Variants in SPMAP2 observed in about 807,000 individuals in gnomAD.
SPMAP2 encodes Theg homolog.
At chr19:371,220 G>C in the SPMAP2 span, 1 of 1,463,768 alleles carries the variant, frequency 6.8e-7, no homozygotes. Flanking sequence ...ACATGGGCAT[G>C]CTCCAGAAGT....
chr19:364,062 G>A, the SPMAP2 span, among the ~76,000 whole-genome samples: 20 of 151,938 alleles, frequency 1.3e-4, no homozygotes, highest in Admixed American at 5.2e-4. Flanking sequence ...GGTTGGGCGC[G>A]GTGGCTCATG....
the SPMAP2 span, chr19:375,746 C>T: frequency 6.4e-5 from 103 of 1,609,984 alleles, no homozygotes; most frequent in African/African-American, 1.7e-4. Flanking sequence ...CCAGGGTCTC[C>T]GGGAACTCCT....
chr19:365,661 CCCA>C, the SPMAP2 span, among the ~76,000 whole-genome samples: 1 of 131,656 alleles, frequency 7.6e-6, no homozygotes, highest in African/African-American at 3.4e-5. Context: ...CGCTCTTACC[CCCA>C]CCACACAGCA....
the SPMAP2 span, chr19:374,440 T>C: frequency 6.2e-7 from 1 of 1,613,948 alleles, no homozygotes; most frequent in Non-Finnish European, 8.5e-7. Flanking sequence ...GAATTCCACG[T>C]TGAAGTTGGA....
chr19:370,048 A>G, the SPMAP2 span, among the ~76,000 whole-genome samples: 1 of 152,074 alleles, frequency 6.6e-6, no homozygotes, highest in South Asian at 2.1e-4. Context: ...GATGGCCAGG[A>G]TACGGCGCAC....
the SPMAP2 span, among the ~76,000 whole-genome samples, chr19:370,934 C>T: frequency 2.0e-5 from 3 of 152,142 alleles, no homozygotes; most frequent in African/African-American, 4.8e-5. Context: ...GAGAGATGAG[C>T]GCTTTCTGAA....
the SPMAP2 span, among the ~76,000 whole-genome samples, chr19:373,773 C>T: frequency 3.3e-5 from 5 of 152,154 alleles, no homozygotes; most frequent in East Asian, 9.7e-4. Flanking sequence ...CCCAGGGCCA[C>T]CTCCTGGGAG....
At chr19:371,186 G>A in the SPMAP2 span, 9 of 1,392,986 alleles carry the variant, frequency 6.5e-6, no homozygotes, top group Admixed American at 2.1e-4. Flanking sequence ...GTGAGTCGCG[G>A]GGGGCACGGG....
chr19:366,397 G>T, the SPMAP2 span, among the ~76,000 whole-genome samples: 1 of 152,170 alleles, frequency 6.6e-6, no homozygotes, highest in Non-Finnish European at 1.5e-5. Context: ...CTCGCCGTGT[G>T]TGTGTGGCGA....
chr19:364,274 T>C, the SPMAP2 span, among the ~76,000 whole-genome samples: 10 of 146,232 alleles, frequency 6.8e-5, no homozygotes, highest in African/African-American at 2.0e-4. Context: ...GAGGCGGAGC[T>C]TGCAGTGAGC....
chr19:370,117 G>T, the SPMAP2 span, among the ~76,000 whole-genome samples: 71 of 152,194 alleles, frequency 4.7e-4, no homozygotes, highest in African/African-American at 1.7e-3. Flanking sequence ...GGGAGCGCCT[G>T]AGCGCAATCC....
the SPMAP2 span, among the ~76,000 whole-genome samples, chr19:371,719 G>A: frequency 6.6e-6 from 1 of 152,196 alleles, no homozygotes. Context: ...GGACCCAAGG[G>A]ATGAAAGTGT....
chr19:362,190 A>G, the SPMAP2 span: 1 of 1,478,112 alleles, frequency 6.8e-7, no homozygotes, highest in Admixed American at 2.3e-5. Flanking sequence ...GTTTACTGGG[A>G]GCGGAGGTCT....
chr19:361,867 TCCGA>T, the SPMAP2 span: 3 of 134,510 alleles, frequency 2.2e-5, no homozygotes, highest in African/African-American at 9.0e-5. Flanking sequence ...TGGCTGTCGT[TCCGA>T]CTCCGACGGT....
chr19:375,613 G>T, the SPMAP2 span: 41 of 1,488,728 alleles, frequency 2.8e-5, no homozygotes, highest in Non-Finnish European at 3.5e-5. Context: ...ACTGCCAGGG[G>T]CTGAGCCCTA....
chr19:362,349 C>A, the SPMAP2 span: 3 of 1,610,724 alleles, frequency 1.9e-6, no homozygotes, highest in African/African-American at 4.0e-5. Flanking sequence ...GGGCTGGCCA[C>A]CACCTTCTTG....
chr19:370,056 C>T, the SPMAP2 span, among the ~76,000 whole-genome samples: 192 of 152,140 alleles, frequency 1.3e-3, 2 homozygotes, highest in Admixed American at 0.012. Context: ...GGATACGGCG[C>T]ACCTGGGCTC....
the SPMAP2 span, chr19:375,890 G>A: frequency 3.0e-4 from 470 of 1,551,184 alleles, 1 homozygote; most frequent in African/African-American, 3.0e-3. Flanking sequence ...CACGGGGGTC[G>A]CCGTCCTGCT....
At chr19:363,885 G>A in the SPMAP2 span, among the ~76,000 whole-genome samples, 306 of 152,168 alleles carry the variant, frequency 2.0e-3, no homozygotes, top group Non-Finnish European at 3.1e-3. Context: ...CCAGGCTGGA[G>A]CACGATCTTT....
Sources: allele counts gnomAD v4.1 joint callset (sites outside exome capture counted in the v4.1 genomes callset), GRCh38; gene constraint gnomAD v4.1.1; transcripts MANE v1.5; gene names NCBI Gene and HGNC (gene_info 2026-07-23, HGNC 2026-07-21).